IL1RAPL1: variants seen among roughly 807,000 people sequenced by gnomAD.
The protein encoded by IL1RAPL1 is interleukin-1 receptor accessory protein-like 1.
Under a neutral mutation model 48.4 loss-of-function variants are expected in IL1RAPL1, and 3 were observed. That is an observed-to-expected ratio of 0.06 (90% CI 0.03 to 0.16). The LOEUF is 0.16. Ranked by LOEUF, IL1RAPL1 falls within the 10% of genes least tolerant of loss-of-function variation. The pLI, the probability that IL1RAPL1 is intolerant of heterozygous loss-of-function variation, is 1.00. For synonymous variants in IL1RAPL1, 185 were observed against 187.7 expected, an observed-to-expected ratio of 0.99 and a Z score of 0.12; for missense variants, 349 against 530.6, an observed-to-expected ratio of 0.66 and a Z score of 3.36.
Position 29,671,001 on chromosome X carries a change from C to T in IL1RAPL1, c.778+2497C>T, listed in dbSNP as rs752747530. On this transcript the variant is annotated intron_variant, in intron 6 of 10. Transcript: ENST00000378993. Reference sequence around the variant, plus strand: ...GATAACCAAACTCTTGTAAGAGTTACGTTATAAGAAAAATCATCAGGAATT... The same window carrying T: ...GATAACCAAACTCTTGTAAGAGTTATGTTATAAGAAAAATCATCAGGAATT... Among the ~76,000 whole-genome samples the T allele has an allele frequency of 2.1e-4, 23 of 111,734 alleles. No homozygotes were observed. In the South Asian group the frequency reaches 8.3e-3, roughly 40 times the overall value.
intron 1 of IL1RAPL1, among the ~76,000 whole-genome samples, chrX:28,700,533 CTT>C (rs1363097314): frequency 2.6e-4 from 26 of 100,451 alleles, no homozygotes; most frequent in Non-Finnish European, 4.5e-4. Flanking sequence ...AACCTCTACT[CTT>C]TTTTTTTTTT....
chrX:29,859,604 A>G (rs1931538019), intron 6 of IL1RAPL1, among the ~76,000 whole-genome samples: 1 of 112,304 alleles, frequency 8.9e-6, no homozygotes, highest in Admixed American at 9.5e-5. Context: ...TAATTTCCAC[A>G]TAAAAATTTC....
intron 5 of IL1RAPL1, among the ~76,000 whole-genome samples, chrX:29,664,580 C>T (rs766620793): frequency 1.8e-5 from 2 of 111,319 alleles, no homozygotes; most frequent in Admixed American, 9.5e-5. Context: ...CTTTTAAAGG[C>T]GTGATTGTTC....
At chrX:29,647,202 T>C (rs1282366667) in intron 5 of IL1RAPL1, among the ~76,000 whole-genome samples, 1 of 110,462 alleles carries the variant, frequency 9.1e-6, no homozygotes, top group Non-Finnish European at 1.9e-5. Context: ...ATACAAAAAG[T>C]AGCTGGGCGT....
intron 6 of IL1RAPL1, among the ~76,000 whole-genome samples, chrX:29,884,354 C>T (rs188304089): frequency 2.3e-4 from 26 of 110,969 alleles, no homozygotes; most frequent in African/African-American, 3.9e-4. Context: ...TTACTTGCCC[C>T]GAGAGCTGCA....
chrX:28,747,991 T>C (rs138146068), intron 1 of IL1RAPL1, among the ~76,000 whole-genome samples: 5,728 of 112,146 alleles, frequency 0.051, 157 homozygotes, highest in Middle Eastern at 0.085. Flanking sequence ...ACATATCTTC[T>C]AATTCACTAA....
chrX:29,129,739 C>A (rs1287602497), intron 2 of IL1RAPL1, among the ~76,000 whole-genome samples: 1 of 108,793 alleles, frequency 9.2e-6, no homozygotes, highest in Non-Finnish European at 1.9e-5. Context: ...GGACTACAGG[C>A]ACCTGCCACC....
chrX:29,725,663 C>G (rs1480784666), intron 6 of IL1RAPL1, among the ~76,000 whole-genome samples: 1 of 112,004 alleles, frequency 8.9e-6, no homozygotes, highest in Non-Finnish European at 1.9e-5. Flanking sequence ...AGGTCCACCA[C>G]AAACCCCTTA....
At chrX:29,425,567 C>T (rs1473887533) in intron 5 of IL1RAPL1, among the ~76,000 whole-genome samples, 1 of 110,941 alleles carries the variant, frequency 9.0e-6, no homozygotes, top group Non-Finnish European at 1.9e-5. Flanking sequence ...GCTGGATTAG[C>T]TTTTTTAAAA....
intron 6 of IL1RAPL1, among the ~76,000 whole-genome samples, chrX:29,783,517 C>G (rs907374924): frequency 5.4e-5 from 6 of 111,551 alleles, no homozygotes; most frequent in African/African-American, 2.0e-4. Flanking sequence ...TGTGGGCACT[C>G]AGAGGATGAG....
At chrX:29,939,234 CT>C (rs1481617005) in intron 8 of IL1RAPL1, among the ~76,000 whole-genome samples, 25 of 112,155 alleles carry the variant, frequency 2.2e-4, no homozygotes, top group Admixed American at 2.0e-3. Context: ...GTTCTTGATT[CT>C]TTTTCCATTT....
chrX:29,137,014 G>A (rs1157822668), intron 2 of IL1RAPL1, among the ~76,000 whole-genome samples: 3 of 111,221 alleles, frequency 2.7e-5, no homozygotes, highest in Non-Finnish European at 3.8e-5. Context: ...ACTAGGCTAT[G>A]TGAAAGAAGC....
At chrX:29,501,342 G>C (rs1474927312) in intron 5 of IL1RAPL1, among the ~76,000 whole-genome samples, 2 of 111,200 alleles carry the variant, frequency 1.8e-5, no homozygotes, top group Non-Finnish European at 3.8e-5. Flanking sequence ...TGCTTTGGTT[G>C]CCTGGGCTTT....
intron 1 of IL1RAPL1, among the ~76,000 whole-genome samples, chrX:28,686,540 G>T (rs757938726): frequency 1.8e-5 from 2 of 111,837 alleles, no homozygotes; most frequent in East Asian, 5.6e-4. Flanking sequence ...TGTCTCAGAT[G>T]ACACCCATAT....
At chrX:28,893,396 C>G (rs1040170705) in intron 2 of IL1RAPL1, among the ~76,000 whole-genome samples, 1 of 110,882 alleles carries the variant, frequency 9.0e-6, no homozygotes, top group East Asian at 2.8e-4. Flanking sequence ...TAATAAAGGC[C>G]GGTCCATTAT....
At chrX:29,005,077 A>C (rs1925943957) in intron 2 of IL1RAPL1, among the ~76,000 whole-genome samples, 1 of 111,908 alleles carries the variant, frequency 8.9e-6, no homozygotes, top group Admixed American at 9.6e-5. Flanking sequence ...AATCAATGGA[A>C]TTTTCAAGCC....
At chrX:28,953,028 T>C (rs1220665028) in intron 2 of IL1RAPL1, among the ~76,000 whole-genome samples, 1 of 111,525 alleles carries the variant, frequency 9.0e-6, no homozygotes, top group Non-Finnish European at 1.9e-5. Context: ...ATTTTCTTTA[T>C]AAATAATTAC....
intron 1 of IL1RAPL1, among the ~76,000 whole-genome samples, chrX:28,783,462 A>G (rs1157753359): frequency 9.0e-6 from 1 of 111,370 alleles, no homozygotes; most frequent in Non-Finnish European, 1.9e-5. Flanking sequence ...CCCTTGTCAG[A>G]GAAGCGCTAT....
chrX:29,411,307 T>A (rs1311827112), intron 5 of IL1RAPL1, among the ~76,000 whole-genome samples: 2 of 112,343 alleles, frequency 1.8e-5, no homozygotes, highest in Non-Finnish European at 3.8e-5. Flanking sequence ...GTCACATTTT[T>A]AAAAATCTAA....
Sources: allele counts gnomAD v4.1 joint callset (sites outside exome capture counted in the v4.1 genomes callset), GRCh38; gene constraint gnomAD v4.1.1; transcripts MANE v1.5; gene names NCBI Gene and HGNC (gene_info 2026-07-23, HGNC 2026-07-21).